CLIC5: variants seen among roughly 807,000 people sequenced by gnomAD.
CLIC5 encodes CLIC family member 5.
CLIC5 carries 20 observed loss-of-function variants against 24.7 expected under a neutral mutation model. The observed-to-expected ratio is 0.81, with a 90% CI of 0.57 to 1.18. The LOEUF (loss-of-function observed/expected upper bound fraction) is 1.18, where lower values mean the gene tolerates loss of function less well. Among genes scored for constraint, CLIC5 ranks in the 50% most tolerant of loss-of-function variants. CLIC5 has a pLI of 0.00. For missense variants in CLIC5, 341 were observed against 326.1 expected (o/e 1.05, Z -0.35); for synonymous variants, 159 against 135.6 (o/e 1.17, Z -1.20).
chr6:45,917,294 A>G (rs1763069047), intron 4 of CLIC5, among the ~76,000 whole-genome samples: 1 of 152,192 alleles, frequency 6.6e-6, no homozygotes, highest in Non-Finnish European at 1.5e-5. Flanking sequence ...ATGCAGGGAA[A>G]GCACCTAATA....
At chr6:45,963,208 C>T (rs528126937) in intron 1 of CLIC5, among the ~76,000 whole-genome samples, 1 of 151,970 alleles carries the variant, frequency 6.6e-6, no homozygotes, top group East Asian at 1.9e-4. Flanking sequence ...TTCATCCTAC[C>T]TGATATTCGT....
Position 46,079,814 on chromosome 6 carries a change from A to T in CLIC5, c.429T>A (p.Ile143=), listed in dbSNP as rs376156807. Residue 143 remains isoleucine, a synonymous_variant, in exon 1 of 6, where the codon ATT becomes ATA. Transcript: ENST00000185206. ...TGGTAGAGAAGGCCTTACTGTGCTG[A>T]ATGGTGAAGCTTGAAGGAGAAGGCA... The T allele has an allele frequency of 3.2e-5, 49 of 1,552,240 alleles. No individual in the cohort carries two copies. The African/African-American group carries it at 5.6e-4, about 18-fold the overall frequency.
At chr6:46,077,433 G>A (rs1404459424) in intron 1 of CLIC5, among the ~76,000 whole-genome samples, 6 of 151,992 alleles carry the variant, frequency 3.9e-5, no homozygotes, top group East Asian at 1.9e-4. Context: ...GAGCCACAGA[G>A]CTCCCTCCAG....
chr6:45,938,957 C>A (rs1443440240), intron 4 of CLIC5, among the ~76,000 whole-genome samples: 1 of 152,126 alleles, frequency 6.6e-6, no homozygotes, highest in Non-Finnish European at 1.5e-5. Context: ...AGCAATGACT[C>A]TTCTTTCCCA....
chr6:45,918,125 T>C (rs3777544), intron 4 of CLIC5, among the ~76,000 whole-genome samples: 52,516 of 152,002 alleles, frequency 0.35, 9,253 homozygotes, highest in East Asian at 0.48. Context: ...AAATATGTGA[T>C]GAGGAAACAA....
intron 6 of CLIC5, among the ~76,000 whole-genome samples, chr6:45,886,062 G>A (rs948606860): frequency 2.0e-5 from 3 of 152,160 alleles, no homozygotes; most frequent in Non-Finnish European, 2.9e-5. Context: ...AACCCCAAAT[G>A]AGCTCAACCT....
intron 3 of CLIC5, 22 bp downstream of exon 3, chr6:45,949,234 C>G (rs373212539): frequency 1.9e-6 from 3 of 1,608,292 alleles, no homozygotes; most frequent in African/African-American, 2.7e-5. Flanking sequence ...TTCAACAGCC[C>G]CAGAAAGAAA....
downstream of CLIC5, among the ~76,000 whole-genome samples, chr6:45,898,238 T>C (rs377524831): frequency 6.6e-6 from 1 of 152,098 alleles, no homozygotes; most frequent in East Asian, 1.9e-4. Flanking sequence ...AGGTCAGGAG[T>C]TCGAGGCCAG....
chr6:46,061,361 T>A (rs865918802), intron 1 of CLIC5, among the ~76,000 whole-genome samples: 68 of 152,084 alleles, frequency 4.5e-4, no homozygotes, highest in African/African-American at 1.4e-3. Flanking sequence ...GGCTGATGTT[T>A]TTGTGTGTTT....
intron 6 of CLIC5, among the ~76,000 whole-genome samples, chr6:45,883,451 A>T (rs1762279882): frequency 6.6e-6 from 1 of 152,160 alleles, no homozygotes; most frequent in African/African-American, 2.4e-5. Flanking sequence ...GCATGGGAGG[A>T]TGAAAGGCTA....
chr6:45,889,654 G>A (rs1184178254), intron 6 of CLIC5, among the ~76,000 whole-genome samples: 2 of 152,164 alleles, frequency 1.3e-5, no homozygotes, highest in African/African-American at 2.4e-5. Flanking sequence ...ACAAGGAAGA[G>A]TGTGACAATT....
chr6:45,895,432 G>A (rs1459652902), downstream of CLIC5, among the ~76,000 whole-genome samples: 17 of 152,088 alleles, frequency 1.1e-4, no homozygotes, highest in Admixed American at 1.1e-3. Flanking sequence ...TGTTTTAGAA[G>A]GATTCGTTCT....
Position 45,973,478 on chromosome 6 carries a change from G to A in CLIC5, c.64-18234C>T, listed in dbSNP as rs111459583. Among the ~76,000 whole-genome samples, 871 of 152,162 alleles carry A rather than the reference G, an allele frequency of 5.7e-3. 6 individuals are homozygous for A. The highest frequency in any genetic ancestry group is 0.019 in the African/African-American group (810 of 41,542). Reference sequence around the variant, plus strand: ...AGGGTTTCTATTTGTATGACAGAGAGAAATGTGTTTTTTTGTGGGTGTTTT... The same window carrying A: ...AGGGTTTCTATTTGTATGACAGAGAAAAATGTGTTTTTTTGTGGGTGTTTT... On this transcript the variant is annotated intron_variant, in intron 1 of 5. Transcript: ENST00000339561.
At position 45,901,175 on chromosome 6, in the gene CLIC5, A is replaced by G. The variant is rs961956078; in HGVS notation, c.*1913T>C. The G allele has an allele frequency of 3.9e-5, 6 of 152,234 alleles. 1 individual carries two copies. The highest frequency in any genetic ancestry group is 7.2e-5 in the African/African-American group (3 of 41,548). 9.4% of individuals were successfully genotyped at this position (152,234 alleles called of 1,614,324 possible). A position where few individuals can be genotyped will look rare whatever the true frequency, so the allele number is the denominator to read the frequency against. ...CCAGTTTGGGGCTTTTCCCTACAGT[A>G]AAAAAGGACTCTTTCCTCACCAGTT... On this transcript the variant is annotated 3_prime_UTR_variant, in exon 6 of 6. Coordinates refer to ENST00000339561, the MANE Select transcript of CLIC5 (RefSeq NM_016929.5).
At chr6:46,020,656 A>T (rs906009003), upstream of CLIC5, among the ~76,000 whole-genome samples, 1 of 152,028 alleles carries the variant, frequency 6.6e-6, no homozygotes, top group African/African-American at 2.4e-5. Flanking sequence ...TTTATCAAAG[A>T]TCAATAAAGT....
chr6:46,079,871 G>C (rs776860416), exon 1 of CLIC5: 3 of 1,552,002 alleles, frequency 1.9e-6, no homozygotes, highest in African/African-American at 2.7e-5. Context: ...CATTCTCCTG[G>C]AGTTCTGCTG....
chr6:45,915,634 T>A (rs1268880901), intron 4 of CLIC5, among the ~76,000 whole-genome samples: 1 of 152,184 alleles, frequency 6.6e-6, no homozygotes, highest in African/African-American at 2.4e-5. Context: ...ACTCAAGGAA[T>A]GAACACCCAA....
the CLIC5 span, among the ~76,000 whole-genome samples, chr6:46,101,146 G>C: frequency 6.6e-6 from 1 of 152,202 alleles, no homozygotes; most frequent in Non-Finnish European, 1.5e-5. Flanking sequence ...CCAGACACGT[G>C]AATCTGCGAA....
the CLIC5 span, among the ~76,000 whole-genome samples, chr6:46,125,381 A>G: frequency 2.6e-5 from 4 of 152,198 alleles, no homozygotes; most frequent in Admixed American, 2.0e-4. Flanking sequence ...AACAATGAGA[A>G]CACTTGGACC....
Sources: gnomAD v4.1 joint callset for allele counts (sites outside exome capture counted in the v4.1 genomes callset) on GRCh38, gnomAD v4.1.1 for gene constraint, MANE v1.5 for transcripts, NCBI Gene and HGNC (gene_info 2026-07-23, HGNC 2026-07-21) for gene names.